Variants in LPIN1 observed in about 807,000 individuals in gnomAD.
The protein encoded by LPIN1 is phosphatidate phosphatase LPIN1.
LPIN1 carries 71 observed loss-of-function variants against 107.5 expected under a neutral mutation model. The ratio of observed to expected loss-of-function variants is 0.66; its 90% confidence interval spans 0.55 to 0.80. The LOEUF is 0.80. Among genes scored for constraint, LPIN1 ranks in the 30% least tolerant of loss-of-function variants. The pLI is 0.00. For synonymous variants in LPIN1, 445 were observed against 452.6 expected (o/e 0.98, Z 0.21); for missense variants, 1,043 against 1,160.6 (o/e 0.90, Z 1.47).
chr2:11,806,841 C>T (rs1289041341), intron 17 of LPIN1, among the ~76,000 whole-genome samples: 5 of 152,216 alleles, frequency 3.3e-5, no homozygotes, highest in African/African-American at 4.8e-5. Flanking sequence ...TTGGTTCTAT[C>T]TTGCTGAATT....
intron 6 of LPIN1, among the ~76,000 whole-genome samples, chr2:11,777,858 T>C (rs1407798450): frequency 1.3e-5 from 2 of 152,220 alleles, no homozygotes; most frequent in African/African-American, 4.8e-5. Flanking sequence ...GCTTTTTAGA[T>C]ACTTTGAGGT....
upstream of LPIN1, chr2:11,721,967 G>A (rs1197596102): frequency 6.6e-6 from 1 of 152,254 alleles, no homozygotes; most frequent in Non-Finnish European, 1.5e-5. Context: ...TGCTCAGGGT[G>A]GGAGACAGGA....
At position 11,759,137 on chromosome 2, in the gene LPIN1, C is replaced by A. The variant is rs961282788; in HGVS notation, c.-9-6396C>A. Among the ~76,000 whole-genome samples the A allele has an allele frequency of 3.3e-4, 13 of 39,612 alleles. No homozygotes were observed. In the East Asian group the frequency reaches 3.3e-3, roughly 10 times the overall value. 26.0% of individuals were successfully genotyped at this position (39,612 alleles called of 152,430 possible). A position where few individuals can be genotyped will look rare whatever the true frequency, so the allele number is the denominator to read the frequency against. On this transcript the variant is annotated intron_variant, in intron 1 of 20. Transcript: ENST00000674199. Reference sequence around the variant, plus strand: ...CTAGCTAGCTTGCTTTCTTTCTTTTCTTTCTTTCTTTCTTTCTTTCTTTCT... The same window carrying A: ...CTAGCTAGCTTGCTTTCTTTCTTTTATTTCTTTCTTTCTTTCTTTCTTTCT...
chr2:11,684,503 A>G lies in LPIN1; in HGVS notation c.81+6775A>G, dbSNP rs191018193. ...CTCTTGTTTTTGAAGGAAGAACCAGAGTAACACAGAGCTGGAGGGTGGTTG... is the reference window on the plus strand; with the variant it reads ...CTCTTGTTTTTGAAGGAAGAACCAGGGTAACACAGAGCTGGAGGGTGGTTG... On this transcript the variant is annotated intron_variant, in intron 1 of 21. Coordinates refer to the LPIN1 transcript ENST00000449576. Among the ~76,000 whole-genome samples the G allele has an allele frequency of 7.2e-5, 11 of 152,372 alleles. No individual in the cohort carries two copies. In the East Asian group the frequency reaches 1.7e-3, roughly 24 times the overall value.
upstream of LPIN1, chr2:11,724,292 G>A: frequency 1.0e-6 from 1 of 973,834 alleles, no homozygotes; most frequent in Non-Finnish European, 1.2e-6. Flanking sequence ...GGGGGCATCA[G>A]AATCCTGCCG....
intron 1 of LPIN1, among the ~76,000 whole-genome samples, chr2:11,758,756 C>T (rs184837164): frequency 3.3e-5 from 5 of 152,318 alleles, no homozygotes; most frequent in East Asian, 1.9e-4. Flanking sequence ...TGATTCTTTG[C>T]GGTAGGAAAA....
upstream of LPIN1, among the ~76,000 whole-genome samples, chr2:11,722,853 A>G (rs28584687): frequency 0.091 from 13,881 of 152,288 alleles, 854 homozygotes; most frequent in African/African-American, 0.18. Flanking sequence ...TGAATATTTT[A>G]GGAACAATCA....
chr2:11,799,720 T>C (rs1677356742), intron 14 of LPIN1, among the ~76,000 whole-genome samples: 1 of 152,024 alleles, frequency 6.6e-6, no homozygotes, highest in South Asian at 2.1e-4. Flanking sequence ...CCAGTCCAGG[T>C]CTCTCTAGCC....
At chr2:11,815,055 T>G in intron 17 of LPIN1, 33 bp from the exon 18 acceptor site, 1 of 1,606,124 alleles carries the variant, frequency 6.2e-7, no homozygotes, top group African/African-American at 1.3e-5. Flanking sequence ...CATTTTCTGA[T>G]GCCATGAAAT....
At chr2:11,679,717 A>T (rs779396638) in intron 1 of LPIN1, among the ~76,000 whole-genome samples, 1 of 151,974 alleles carries the variant, frequency 6.6e-6, no homozygotes, top group South Asian at 2.1e-4. Context: ...GATTCCCCCA[A>T]CCCCTGCCCC....
At chr2:11,806,855 A>G (rs1358564261) in intron 17 of LPIN1, among the ~76,000 whole-genome samples, 1 of 152,210 alleles carries the variant, frequency 6.6e-6, no homozygotes, top group Non-Finnish European at 1.5e-5. Context: ...CTGAATTTCA[A>G]AAACTTATTT....
chr2:11,813,523 G>T (rs576751696), intron 17 of LPIN1, among the ~76,000 whole-genome samples: 3 of 152,000 alleles, frequency 2.0e-5, no homozygotes, highest in Non-Finnish European at 4.4e-5. Flanking sequence ...ACAGGGCGGC[G>T]CATACTTTCT....
chr2:11,699,652 C>T (rs371251300), intron 1 of LPIN1, among the ~76,000 whole-genome samples: 4 of 152,188 alleles, frequency 2.6e-5, no homozygotes, highest in South Asian at 2.1e-4. Context: ...ACGCCAGCCA[C>T]TCACTGTTTC....
intron 13 of LPIN1, among the ~76,000 whole-genome samples, chr2:11,792,897 C>A (rs540385704): frequency 1.3e-5 from 2 of 152,272 alleles, no homozygotes; most frequent in Non-Finnish European, 2.9e-5. Flanking sequence ...TCTCCTCCTC[C>A]CAGCAGGCTG....
chr2:11,773,826 A>T lies in LPIN1; in HGVS notation c.722+81A>T, dbSNP rs998084567. On this transcript the variant is annotated intron_variant, in intron 5 of 20. Coordinates refer to ENST00000674199, the MANE Select transcript of LPIN1 (RefSeq NM_001349206.2). ...GAAGCAATTCTAAGAAAAGAATGAAATAGAAATGAAAAGTGAAAATAATTA... is the reference window on the plus strand; with the variant it reads ...GAAGCAATTCTAAGAAAAGAATGAATTAGAAATGAAAAGTGAAAATAATTA... The T allele has an allele frequency of 1.7e-5, 26 of 1,516,692 alleles. 1 individual carries two copies. In the African/African-American group the frequency reaches 2.5e-4, roughly 14 times the overall value. The allele number at this position is 1,516,692 out of a possible 1,614,324, so 94.0% of individuals were successfully genotyped here.
chr2:11,718,667 G>A (rs759089431), intron 2 of LPIN1, among the ~76,000 whole-genome samples: 2 of 152,130 alleles, frequency 1.3e-5, no homozygotes, highest in African/African-American at 2.4e-5. Flanking sequence ...TTCCTTCTAC[G>A]CCTGTCTGGC....
intron 11 of LPIN1, among the ~76,000 whole-genome samples, chr2:11,787,940 CAAAAA>C (rs748630756): frequency 1.0e-5 from 1 of 96,478 alleles, no homozygotes. Flanking sequence ...GACTCTGTCT[CAAAAA>C]AAAAAAAAAA....
chr2:11,785,960 A>G (rs1269189834), intron 10 of LPIN1, among the ~76,000 whole-genome samples: 1 of 152,118 alleles, frequency 6.6e-6, no homozygotes, highest in Non-Finnish European at 1.5e-5. Flanking sequence ...AGGGCCACAC[A>G]TTAATACCCA....
intron 1 of LPIN1, among the ~76,000 whole-genome samples, chr2:11,702,036 A>C (rs1270406287): frequency 6.6e-6 from 1 of 151,946 alleles, no homozygotes; most frequent in Non-Finnish European, 1.5e-5. Flanking sequence ...AGTACTAGAG[A>C]TTTGTTTTAA....
Sources: gnomAD v4.1 joint callset for allele counts (sites outside exome capture counted in the v4.1 genomes callset) on GRCh38, gnomAD v4.1.1 for gene constraint, MANE v1.5 for transcripts, NCBI Gene and HGNC (gene_info 2026-07-23, HGNC 2026-07-21) for gene names.